ANO1: variants seen among roughly 807,000 people sequenced by gnomAD.
The protein encoded by ANO1 is anoctamin 1, also known as anoctamin-1.
A neutral mutation model predicts 124.0 loss-of-function variants in ANO1; 59 were observed. That is an observed-to-expected ratio of 0.48 (90% CI 0.39 to 0.59). The LOEUF is 0.59. ANO1 is among the 20% of genes least tolerant of loss of function. The pLI is 0.00. For missense variants in ANO1, 1,059 were observed against 1,328.0 expected, an observed-to-expected ratio of 0.80 and a Z score of 3.15; for synonymous variants, 529 against 532.0, an observed-to-expected ratio of 0.99 and a Z score of 0.08.
chr11:70,121,130 G>C (rs1014169373), intron 8 of ANO1, among the ~76,000 whole-genome samples: 1 of 152,024 alleles, frequency 6.6e-6, no homozygotes, highest in Non-Finnish European at 1.5e-5. Context: ...CTCCTCCCCC[G>C]GTGCAGAGCT....
chr11:70,052,569 TGA>T (rs1857368887), intron 1 of ANO1, among the ~76,000 whole-genome samples: 6 of 90,822 alleles, frequency 6.6e-5, no homozygotes, highest in East Asian at 6.8e-4. Context: ...TTTTTTTTTT[TGA>T]GACAGGGTTT....
chr11:70,188,708 C>G lies in ANO1; in HGVS notation c.*704C>G, dbSNP rs770297365. 5.3e-5 allele frequency: 8 copies of G among 152,320 alleles called. No individual in the cohort carries two copies. The highest frequency in any genetic ancestry group is 6.5e-5 in the Admixed American group (1 of 15,278). 9.4% of individuals were successfully genotyped at this position (152,320 alleles called of 1,614,324 possible). ...CAGGCTCCCCACTGTCAGCCACACA[C>G]CTGCCCCCATCACACCAAGCCGACC... On this transcript the variant is annotated 3_prime_UTR_variant, in exon 26 of 26. Transcript: ENST00000355303.
In ANO1 at chr11:70,095,426, G is replaced by A. The variant is rs547178892; in HGVS notation, c.441+7342G>A. ...AGAAAGAAAGAAAGAAAGAAAGAAA[G>A]AAAAGAAAAGAAAGAAAGAGGGAAA... On this transcript the variant is annotated intron_variant, in intron 2 of 25. Transcript: ENST00000355303. 2.9e-3 allele frequency among the ~76,000 whole-genome samples: 138 copies of A among 47,428 alleles called. 17 individuals carry two copies. The highest frequency in any genetic ancestry group is 0.014 in the Admixed American group (60 of 4,440). 31.1% of individuals were successfully genotyped at this position (47,428 alleles called of 152,430 possible).
At chr11:70,092,995 C>T (rs915277946) in intron 2 of ANO1, among the ~76,000 whole-genome samples, 1 of 151,548 alleles carries the variant, frequency 6.6e-6, no homozygotes, top group Non-Finnish European at 1.5e-5. Flanking sequence ...CTCTCTCTCC[C>T]TCCTTCTCTC....
At chr11:69,989,488 G>C (rs781817582) in intron 1 of ANO1, among the ~76,000 whole-genome samples, 19 of 152,102 alleles carry the variant, frequency 1.2e-4, no homozygotes, top group Non-Finnish European at 2.6e-4. Flanking sequence ...CCAGCCAGGA[G>C]AGGGAGGGAA....
intron 1 of ANO1, among the ~76,000 whole-genome samples, chr11:70,006,621 C>T (rs1414960778): frequency 5.0e-5 from 7 of 140,868 alleles, no homozygotes; most frequent in Non-Finnish European, 1.1e-4. Flanking sequence ...CTCTTTCTTT[C>T]TTTCTTCTTT....
chr11:70,019,223 G>T (rs1440479943), intron 1 of ANO1, among the ~76,000 whole-genome samples: 2 of 145,882 alleles, frequency 1.4e-5, no homozygotes, highest in Non-Finnish European at 3.0e-5. Flanking sequence ...GGGATGCAGG[G>T]GAGGGAAAGA....
At chr11:70,136,338 T>G (rs907203057) in intron 11 of ANO1, among the ~76,000 whole-genome samples, 1 of 152,122 alleles carries the variant, frequency 6.6e-6, no homozygotes, top group Non-Finnish European at 1.5e-5. Context: ...GTCAAGAGGT[T>G]TAAGTGCAAG....
intron 1 of ANO1, among the ~76,000 whole-genome samples, chr11:69,994,106 C>A (rs115343134): frequency 1.3e-5 from 2 of 150,298 alleles, no homozygotes; most frequent in South Asian, 2.1e-4. Context: ...GTCGTTAACC[C>A]CCCCCCACAG....
At chr11:70,059,381 G>T (rs1324973002) in intron 1 of ANO1, among the ~76,000 whole-genome samples, 8 of 145,328 alleles carry the variant, frequency 5.5e-5, no homozygotes, top group African/African-American at 7.5e-5. Context: ...CCGAACCATT[G>T]TCAGATTGAA....
chr11:70,043,216 C>T (rs1555005250), intron 1 of ANO1, among the ~76,000 whole-genome samples: 1 of 151,942 alleles, frequency 6.6e-6, no homozygotes, highest in Non-Finnish European at 1.5e-5. Flanking sequence ...ATGGGAGTAA[C>T]AACAGATAGG....
intron 1 of ANO1, among the ~76,000 whole-genome samples, chr11:70,021,229 C>T (rs1856801700): frequency 6.6e-6 from 1 of 152,148 alleles, no homozygotes; most frequent in South Asian, 2.1e-4. Context: ...AATGATAGAA[C>T]TTCCTAATAT....
chr11:70,183,324 C>A (rs1212870451), intron 24 of ANO1, among the ~76,000 whole-genome samples: 1 of 152,204 alleles, frequency 6.6e-6, no homozygotes, highest in Non-Finnish European at 1.5e-5. Flanking sequence ...TGGCTTCAAT[C>A]CTTTCTGCTC....
At chr11:70,184,201 C>G (rs575223643) in intron 24 of ANO1, among the ~76,000 whole-genome samples, 18 of 152,326 alleles carry the variant, frequency 1.2e-4, no homozygotes, top group Admixed American at 2.0e-4. Context: ...GACGTCAGCT[C>G]CATTCAAGCT....
At chr11:70,019,965 C>T (rs1856770936) in intron 1 of ANO1, among the ~76,000 whole-genome samples, 1 of 152,242 alleles carries the variant, frequency 6.6e-6, no homozygotes, top group Admixed American at 6.5e-5. Context: ...CTCTGGGTCT[C>T]TCTGCTTCTG....
chr11:70,022,925 C>T (rs940479792), intron 1 of ANO1, among the ~76,000 whole-genome samples: 3 of 152,074 alleles, frequency 2.0e-5, no homozygotes, highest in Non-Finnish European at 4.4e-5. Context: ...GAAGCAGAGT[C>T]GGGGAAGACA....
chr11:70,012,348 C>G (rs532178203), intron 1 of ANO1, among the ~76,000 whole-genome samples: 2 of 145,918 alleles, frequency 1.4e-5, no homozygotes, highest in Middle Eastern at 4.5e-3. Context: ...CCATCCTTTC[C>G]TTCATCCATC....
chr11:70,077,927 C>A (rs895327567), upstream of ANO1, among the ~76,000 whole-genome samples: 2 of 152,232 alleles, frequency 1.3e-5, no homozygotes, highest in South Asian at 4.1e-4. Flanking sequence ...CGGCAGGAAC[C>A]AGGCAAGCTC....
In ANO1 at chr11:70,088,089, C is replaced by A. The variant is rs1267280993; in HGVS notation, c.441+5C>A. 1.6e-6 allele frequency: 2 copies of A among 1,286,998 alleles called. No individual in the cohort carries two copies. The highest frequency in any genetic ancestry group is 2.4e-5 in the South Asian group (1 of 40,912). The allele number at this position is 1,286,998 out of a possible 1,614,324, so 79.7% of individuals were successfully genotyped here. On this transcript the variant is annotated splice_donor_5th_base_variant and intron_variant, in intron 2 of 25. Transcript: ENST00000355303. ...GAGCTGGAGCGGGACGAGGACGTAA[C>A]TATCTCACTGCGCGCTGTTTGTGGG... is the stretch of plus-strand genomic sequence containing the variant.
Sources: allele counts gnomAD v4.1 joint callset (sites outside exome capture counted in the v4.1 genomes callset), GRCh38; gene constraint gnomAD v4.1.1; transcripts MANE v1.5; gene names NCBI Gene and HGNC (gene_info 2026-07-23, HGNC 2026-07-21).